Variants in TEX264 observed in about 807,000 individuals in gnomAD.
TEX264 encodes testis expressed 264, ER-phagy receptor.
TEX264 carries 13 observed loss-of-function variants against 23.4 expected under a neutral mutation model. The ratio of observed to expected loss-of-function variants is 0.56; its 90% CI spans 0.36 to 0.88. TEX264 has a LOEUF of 0.88. Ranked by LOEUF, TEX264 falls within the 40% of genes least tolerant of loss-of-function variation. The pLI, the probability that TEX264 is intolerant of heterozygous loss-of-function variation, is 0.01. For synonymous variants in TEX264, 159 were observed against 170.0 expected (o/e 0.94, Z 0.50); for missense variants, 340 against 406.8 (o/e 0.84, Z 1.41).
rs143169102 is a variant in TEX264 at position 51,678,668 on chromosome 3, A to C, written c.258+4106A>C. Among the ~76,000 whole-genome samples, 491 of 152,242 alleles carry C rather than the reference A, an allele frequency of 3.2e-3. 5 individuals are homozygous for C. The highest frequency in any genetic ancestry group is 5.0e-3 in the Non-Finnish European group (337 of 68,006). ...GCCCCCTTTCCCTTAGTCCAATGAGAACCAAGGCCCAGGGCCACTAGGTCT... is the reference window on the plus strand; with the variant it reads ...GCCCCCTTTCCCTTAGTCCAATGAGCACCAAGGCCCAGGGCCACTAGGTCT... On this transcript the variant is annotated intron_variant, in intron 2 of 4. Transcript: ENST00000341333.
In TEX264 at chr3:51,703,964, G is replaced by C. The variant is rs769490279; in HGVS notation, c.890G>C (p.Gly297Ala). Reference protein sequence around the residue: ...SRLDPGTEPLGTTKWLWEPTA... With the variant: ...SRLDPGTEPLATTKWLWEPTA... ...CTGGACCCTGGGACTGAGCCCCTGG[G>C]GACTACCAAGTGGCTCTGGGAGCCC... The change falls in exon 5 of 5, where the codon GGG becomes GCG. Residue 297 changes from glycine to alanine, a missense_variant. Physicochemically the swap from Gly to Ala is moderately conservative, Grantham distance 60. Transcript: ENST00000341333. This position sits in a 1 kb window ranked among gnomAD's most constrained non-coding sequence, Gnocchi z 4.8. The C allele has an allele frequency of 6.4e-7, 1 of 1,571,016 alleles. No homozygotes were observed. The highest frequency in any genetic ancestry group is 8.7e-7 in the Non-Finnish European group (1 of 1,153,916).
At chr3:51,687,415 G>A (rs1488803328) in intron 3 of TEX264, among the ~76,000 whole-genome samples, 1 of 152,234 alleles carries the variant, frequency 6.6e-6, no homozygotes, top group Non-Finnish European at 1.5e-5. Flanking sequence ...ACAGCAAGGA[G>A]AGAGTATAAG....
At chr3:51,699,735 C>T (rs1341485731) in intron 4 of TEX264, among the ~76,000 whole-genome samples, 161 bp downstream of exon 4, 1 of 152,152 alleles carries the variant, frequency 6.6e-6, no homozygotes, top group African/African-American at 2.4e-5. Flanking sequence ...TGAGGACCCA[C>T]ATGTGGAGTT....
intron 2 of TEX264, chr3:51,683,296 G>A (rs904779395): frequency 1.3e-5 from 2 of 152,234 alleles, no homozygotes; most frequent in African/African-American, 4.8e-5. Flanking sequence ...TACAGACTTA[G>A]GCACCTGGAA....
In TEX264 at chr3:51,674,392, C is replaced by A. The variant is rs151059647; in HGVS notation, c.88C>A (p.Leu30Ile). Residue 30 changes from leucine to isoleucine, a missense_variant, in exon 2 of 5, where the codon CTA becomes ATA. Physicochemically the swap from Leu to Ile is conservative, Grantham distance 5. Transcript: ENST00000341333. ...TLLAFAGYSG[L>I]LAGVEVSAGS... Reference sequence around the variant, plus strand: ...GCTGGCCTTTGCCGGGTACTCAGGGCTACTGGCTGGGGTGGAAGTGAGTGC... The same window carrying A: ...GCTGGCCTTTGCCGGGTACTCAGGGATACTGGCTGGGGTGGAAGTGAGTGC... 2.5e-6 allele frequency: 4 copies of A among 1,614,128 alleles called. No individual in the cohort carries two copies. In the African/African-American group the frequency reaches 5.3e-5, roughly 22 times the overall value.
In TEX264 at chr3:51,698,758, G is replaced by A. The variant is rs1304488677; in HGVS notation, c.481-648G>A. ...AAAACCTGAGTTTACATGTGAGGAGGTATGGGAACCATACCTGATAGTCTC... is the reference window on the plus strand; with the variant it reads ...AAAACCTGAGTTTACATGTGAGGAGATATGGGAACCATACCTGATAGTCTC... On this transcript the variant is annotated intron_variant, in intron 3 of 4. Coordinates refer to ENST00000341333, the MANE Select transcript of TEX264 (RefSeq NM_015926.6). Among the ~76,000 whole-genome samples, 20 of 152,208 alleles carry A rather than the reference G, an allele frequency of 1.3e-4. 1 individual carries two copies. Among genetic ancestry groups the A allele is most frequent in the Non-Finnish European group, 2.4e-4 (16 of 68,046 alleles).
chr3:51,699,885 G>A (rs1463917284), intron 4 of TEX264, among the ~76,000 whole-genome samples: 2 of 152,148 alleles, frequency 1.3e-5, no homozygotes, highest in Non-Finnish European at 2.9e-5. Flanking sequence ...CAGACAGCTC[G>A]ATGTTCATGG....
intron 3 of TEX264, 92 bp downstream of exon 3, chr3:51,684,726 GTT>G (rs1702554690): frequency 3.0e-6 from 4 of 1,332,008 alleles, no homozygotes; most frequent in Non-Finnish European, 4.2e-6. Context: ...GGAAGAAGTG[GTT>G]TTGGGAGAGC....
chr3:51,692,828 T>C (rs372514157), intron 3 of TEX264, among the ~76,000 whole-genome samples: 4 of 152,228 alleles, frequency 2.6e-5, no homozygotes, highest in Admixed American at 2.6e-4. Context: ...CAGGGCTGAC[T>C]CACCCAGTGC....
At chr3:51,673,151 G>T (rs1702110258) in intron 1 of TEX264, among the ~76,000 whole-genome samples, 1 of 152,196 alleles carries the variant, frequency 6.6e-6, no homozygotes, top group South Asian at 2.1e-4. Context: ...ATTCCACAAA[G>T]TTGCAGCGTG....
chr3:51,673,293 C>T (rs1429685979), intron 1 of TEX264, among the ~76,000 whole-genome samples: 2 of 152,164 alleles, frequency 1.3e-5, no homozygotes, highest in Non-Finnish European at 2.9e-5. Context: ...ATTTTTCCCC[C>T]CCGCCAGGCA....
At position 51,674,379 on chromosome 3, in the gene TEX264, C is replaced by G. The variant is rs200465051; in HGVS notation, c.75C>G (p.Ala25=). The G allele has an allele frequency of 1.2e-6, 2 of 1,614,226 alleles. No individual in the cohort carries two copies. The highest frequency in any genetic ancestry group is 4.5e-5 in the East Asian group (2 of 44,886). Residue 25 remains alanine (A), a synonymous_variant, in exon 2 of 5, where the codon GCC becomes GCG. Coordinates refer to ENST00000341333, the MANE Select transcript of TEX264 (RefSeq NM_015926.6). ...LLLLLTLLAF[A]GYSGLLAGVE... ...TGCTGCTGACGCTGCTGGCCTTTGC[C>G]GGGTACTCAGGGCTACTGGCTGGGG...
chr3:51,699,115 C>G (rs1057047489), intron 3 of TEX264, among the ~76,000 whole-genome samples: 13 of 152,118 alleles, frequency 8.5e-5, no homozygotes, highest in Non-Finnish European at 1.8e-4. Context: ...GCTTTTTGGT[C>G]TCAGATGTAC....
At chr3:51,698,782 T>A (rs1703166974) in intron 3 of TEX264, among the ~76,000 whole-genome samples, 1 of 152,170 alleles carries the variant, frequency 6.6e-6, no homozygotes. Flanking sequence ...CCTGATAGTC[T>A]CAGAGGTTGA....
At chr3:51,689,518 G>A (rs1019695020) in intron 3 of TEX264, among the ~76,000 whole-genome samples, 2 of 151,836 alleles carry the variant, frequency 1.3e-5, no homozygotes, top group African/African-American at 4.8e-5. Context: ...CCAGACCATA[G>A]TTCTCAGACT....
chr3:51,699,736 A>C (rs566482709), intron 4 of TEX264, among the ~76,000 whole-genome samples, 162 bp downstream of exon 4: 3 of 152,254 alleles, frequency 2.0e-5, no homozygotes, highest in Non-Finnish European at 4.4e-5. Context: ...GAGGACCCAC[A>C]TGTGGAGTTG....
chr3:51,682,285 AAGAG>A (rs1319098594), intron 2 of TEX264: 1 of 152,076 alleles, frequency 6.6e-6, no homozygotes, highest in African/African-American at 2.4e-5. Flanking sequence ...ATCTAGAGAC[AAGAG>A]ATGGTATTGC....
Position 51,703,575 on chromosome 3 carries a change from C to CAGGGTAG in TEX264, c.650-144_650-138dup, listed in dbSNP as rs1346327810. The CAGGGTAG allele has an allele frequency of 3.3e-6, 2 of 601,096 alleles. No homozygotes were observed. The highest frequency in any genetic ancestry group is 6.7e-5 in the East Asian group (2 of 29,744). The allele number at this position is 601,096 out of a possible 1,614,324, so 37.2% of individuals were successfully genotyped here. A position where few individuals can be genotyped will look rare whatever the true frequency, so the allele number is the denominator to read the frequency against. On this transcript the variant is annotated intron_variant, in intron 4 of 4. Coordinates refer to ENST00000341333, the MANE Select transcript of TEX264 (RefSeq NM_015926.6). This position sits in a 1 kb window ranked among gnomAD's most constrained non-coding sequence, Gnocchi z 4.8. The stretch of plus-strand genomic sequence containing the variant: ...TCTGCCCTGTCTGTGCAGCCCCAGT[C>CAGGGTAG]AGGGTAGAGGGCAGAGGGCAGCTGG...
At chr3:51,696,516 AG>A (rs1414287288) in intron 3 of TEX264, among the ~76,000 whole-genome samples, 1 of 152,156 alleles carries the variant, frequency 6.6e-6, no homozygotes, top group African/African-American at 2.4e-5. Flanking sequence ...CTTCCCTCCG[AG>A]GTTGCACCTG....
Sources: allele counts gnomAD v4.1 joint callset (sites outside exome capture counted in the v4.1 genomes callset), GRCh38; gene constraint gnomAD v4.1.1; non-coding constraint Gnocchi (gnomAD v3.1); transcripts MANE v1.5; gene names NCBI Gene and HGNC (gene_info 2026-07-23, HGNC 2026-07-21).